ZC4H2: variants seen among roughly 807,000 people sequenced by gnomAD.
ZC4H2 encodes the protein zinc finger C4H2-type containing.
For missense variants in ZC4H2, 137 were observed against 173.9 expected (o/e 0.79, Z 1.19); for synonymous variants, 84 against 66.3 (o/e 1.27, Z -1.30).
intron 1 of ZC4H2, among the ~76,000 whole-genome samples, chrX:64,952,786 A>T (rs762922713): frequency 9.0e-6 from 1 of 110,643 alleles, no homozygotes; most frequent in South Asian, 3.9e-4. Flanking sequence ...TCAAGTTACC[A>T]ATGACTTTCT....
At chrX:64,930,742 TA>T (rs1308401702) in intron 1 of ZC4H2, among the ~76,000 whole-genome samples, 1 of 112,143 alleles carries the variant, frequency 8.9e-6, no homozygotes, top group Non-Finnish European at 1.9e-5. Context: ...ATTATCTTTT[TA>T]ATATGCTGTT....
chrX:65,021,631 C>G (rs1932837224), intron 1 of ZC4H2, among the ~76,000 whole-genome samples: 1 of 110,671 alleles, frequency 9.0e-6, no homozygotes, highest in Admixed American at 9.5e-5. Context: ...GAAGCAAGTG[C>G]AAACAAATTC....
chrX:64,936,483 A>G (rs1444939058), intron 1 of ZC4H2, among the ~76,000 whole-genome samples: 1 of 111,655 alleles, frequency 9.0e-6, no homozygotes, highest in Non-Finnish European at 1.9e-5. Flanking sequence ...AGATTCACCA[A>G]GGTTGAAACA....
chrX:65,001,788 C>T (rs976724982), intron 1 of ZC4H2, among the ~76,000 whole-genome samples: 2 of 111,684 alleles, frequency 1.8e-5, no homozygotes, highest in African/African-American at 6.5e-5. Flanking sequence ...GCAGGGGTTG[C>T]AATCCTAGTC....
chrX:64,983,487 T>C (rs1340789433), intron 1 of ZC4H2, among the ~76,000 whole-genome samples: 1 of 111,214 alleles, frequency 9.0e-6, no homozygotes, highest in Non-Finnish European at 1.9e-5. Flanking sequence ...GGAATGAAAA[T>C]ACCAAACAAA....
At chrX:65,004,299 T>C (rs1294486441) in intron 1 of ZC4H2, among the ~76,000 whole-genome samples, 1 of 111,922 alleles carries the variant, frequency 8.9e-6, no homozygotes, top group Non-Finnish European at 1.9e-5. Context: ...GTCGGGCCAA[T>C]ATCCCTGATG....
At chrX:64,962,800 A>G (rs1172559441) in intron 1 of ZC4H2, among the ~76,000 whole-genome samples, 4 of 111,559 alleles carry the variant, frequency 3.6e-5, no homozygotes, top group African/African-American at 1.3e-4. Flanking sequence ...TGATAGCACC[A>G]AAAAGAACAA....
chrX:64,952,747 G>A (rs1197802834), intron 1 of ZC4H2, among the ~76,000 whole-genome samples: 1 of 109,783 alleles, frequency 9.1e-6, no homozygotes, highest in Non-Finnish European at 1.9e-5. Flanking sequence ...TACTGCCCAA[G>A]GTAATTTATA....
rs890370798 is a variant in ZC4H2 at position 64,976,387 on chromosome X, T to C, written c.-10A>G. The C allele has an allele frequency of 8.3e-7, 1 of 1,210,297 alleles. No individual in the cohort carries two copies. Among genetic ancestry groups the C allele is most frequent in the Non-Finnish European group, 1.1e-6 (1 of 894,063 alleles). On this transcript the variant is annotated 5_prime_UTR_variant, in exon 1 of 5. Transcript: ENST00000374839. The stretch of plus-strand genomic sequence containing the variant: ...CTTGCTCATCTGCCATACTTTTCAC[T>C]GTCAATTTCACGTCCCGAGAGATGT...
chrX:65,022,308 A>G (rs756768770), intron 1 of ZC4H2, among the ~76,000 whole-genome samples: 2 of 111,883 alleles, frequency 1.8e-5, no homozygotes, highest in Non-Finnish European at 3.8e-5. Context: ...CCAGGAGCAC[A>G]TCAAAAAGCT....
At chrX:64,946,002 T>TTAGC (rs1263956522) in intron 1 of ZC4H2, among the ~76,000 whole-genome samples, 2 of 111,244 alleles carry the variant, frequency 1.8e-5, no homozygotes, top group African/African-American at 6.5e-5. Context: ...CTGGTGGATC[T>TTAGC]TAGCTTGCTG....
At chrX:64,946,528 A>T (rs1315587099) in intron 1 of ZC4H2, among the ~76,000 whole-genome samples, 1 of 109,314 alleles carries the variant, frequency 9.1e-6, no homozygotes, top group East Asian at 2.9e-4. Context: ...TGCAGATCAG[A>T]GCTGTTCCTA....
At chrX:64,934,885 C>A (rs941592824) in intron 1 of ZC4H2, among the ~76,000 whole-genome samples, 1 of 111,835 alleles carries the variant, frequency 8.9e-6, no homozygotes, top group African/African-American at 3.2e-5. Flanking sequence ...CCCTGGGTTT[C>A]CAGCACAAAA....
At chrX:64,966,863 T>C (rs1327335554) in intron 1 of ZC4H2, among the ~76,000 whole-genome samples, 2 of 111,866 alleles carry the variant, frequency 1.8e-5, no homozygotes, top group Non-Finnish European at 3.8e-5. Flanking sequence ...TTCTAAAATA[T>C]TATGGTGATG....
intron 1 of ZC4H2, among the ~76,000 whole-genome samples, chrX:64,970,759 G>A (rs1312437958): frequency 3.6e-5 from 4 of 111,953 alleles, no homozygotes; most frequent in East Asian, 5.6e-4. Context: ...ATTCTAGAAC[G>A]AGGAATCTGC....
At chrX:65,003,732 C>T (rs1479799986) in intron 1 of ZC4H2, among the ~76,000 whole-genome samples, 1 of 109,687 alleles carries the variant, frequency 9.1e-6, no homozygotes, top group Non-Finnish European at 1.9e-5. Context: ...AAGAAATTAG[C>T]CAGGCAAGGT....
intron 1 of ZC4H2, among the ~76,000 whole-genome samples, chrX:64,962,379 C>G (rs899598563): frequency 9.0e-6 from 1 of 111,163 alleles, no homozygotes; most frequent in Non-Finnish European, 1.9e-5. Context: ...GATAGAAACT[C>G]TCAACAACTA....
intron 1 of ZC4H2, among the ~76,000 whole-genome samples, chrX:65,000,638 C>T (rs1932517232): frequency 8.9e-6 from 1 of 111,834 alleles, no homozygotes; most frequent in Admixed American, 9.5e-5. Flanking sequence ...CAAATTCCTC[C>T]AAGCTAAAGG....
intron 1 of ZC4H2, among the ~76,000 whole-genome samples, chrX:64,928,682 T>TTCC (rs1161760655): frequency 3.5e-4 from 32 of 91,969 alleles, no homozygotes; most frequent in Admixed American, 2.4e-3. Flanking sequence ...CTTCTTCTTC[T>TTCC]TCCTCCTCCT....
Sources: gnomAD v4.1 joint callset for allele counts (sites outside exome capture counted in the v4.1 genomes callset) on GRCh38, gnomAD v4.1.1 for gene constraint, MANE v1.5 for transcripts, NCBI Gene and HGNC (gene_info 2026-07-23, HGNC 2026-07-21) for gene names.